Variants in CPNE4 observed in about 807,000 individuals in gnomAD.
CPNE4 encodes the protein copine-4.
CPNE4 carries 25 observed loss-of-function variants against 67.9 expected under a neutral mutation model. That is an observed-to-expected ratio of 0.37 (90% CI 0.27 to 0.51). CPNE4 has a LOEUF of 0.51. CPNE4 is among the 20% of genes least tolerant of loss of function. CPNE4 has a pLI of 0.93. For synonymous variants in CPNE4, 242 were observed against 244.9 expected (o/e 0.99, Z 0.11); for missense variants, 464 against 690.8 (o/e 0.67, Z 3.68).
At chr3:131,920,434 G>T (rs112460430) in intron 1 of CPNE4, among the ~76,000 whole-genome samples, 2 of 151,966 alleles carry the variant, frequency 1.3e-5, no homozygotes. Flanking sequence ...TCACTTACAT[G>T]CTATAGCTAT....
intron 3 of CPNE4, among the ~76,000 whole-genome samples, chr3:131,720,596 T>A (rs771955605): frequency 2.0e-5 from 3 of 152,194 alleles, no homozygotes; most frequent in Non-Finnish European, 4.4e-5. Flanking sequence ...GAATGGTTCT[T>A]CATGGCTGAT....
At chr3:131,558,038 C>G (rs1936561220) in intron 11 of CPNE4, among the ~76,000 whole-genome samples, 1 of 151,764 alleles carries the variant, frequency 6.6e-6, no homozygotes, top group Non-Finnish European at 1.5e-5. Flanking sequence ...AATGATATTC[C>G]TTTTATACTT....
At chr3:131,895,330 T>C (rs944085269) in intron 2 of CPNE4, among the ~76,000 whole-genome samples, 9 of 151,950 alleles carry the variant, frequency 5.9e-5, no homozygotes, top group Admixed American at 2.0e-4. Context: ...TAAAATGCTG[T>C]TTTTTACAAA....
intron 2 of CPNE4, among the ~76,000 whole-genome samples, chr3:131,732,694 C>A: frequency 6.6e-6 from 1 of 152,196 alleles, no homozygotes; most frequent in South Asian, 2.1e-4. Flanking sequence ...TAACCTTGCC[C>A]ACACATCTTG....
At chr3:131,695,746 A>C (rs896865718) in intron 5 of CPNE4, among the ~76,000 whole-genome samples, 1 of 152,208 alleles carries the variant, frequency 6.6e-6, no homozygotes, top group Non-Finnish European at 1.5e-5. Flanking sequence ...GCAGTCTGTG[A>C]TGGTTTCATA....
chr3:131,652,800 A>G (rs1274266996), intron 7 of CPNE4, among the ~76,000 whole-genome samples: 1 of 152,324 alleles, frequency 6.6e-6, no homozygotes, highest in Admixed American at 6.5e-5. Flanking sequence ...GGCAACTGCC[A>G]TGTTGTCCAA....
intron 2 of CPNE4, among the ~76,000 whole-genome samples, chr3:131,782,187 T>C (rs1333659346): frequency 6.6e-6 from 1 of 152,068 alleles, no homozygotes; most frequent in Non-Finnish European, 1.5e-5. Context: ...CTTTGTAGCA[T>C]GTAAAGAGAA....
At position 131,715,289 on chromosome 3, in the gene CPNE4, ATCTGCAAAAGGATTCCTAG is replaced by A. The variant is rs1467014047; in HGVS notation, c.360+8138_360+8156del. 7.2e-5 allele frequency among the ~76,000 whole-genome samples: 11 copies of A among 152,364 alleles called. 1 individual carries two copies. Among genetic ancestry groups the A allele is most frequent in the African/African-American group, 2.6e-4 (11 of 41,596 alleles). Reference sequence around the variant, plus strand: ...AGAGGGAAGATGATCAAGCCCATTTATCTGCAAAAGGATTCCTAGTCTGCCTCTATCAGCTCTGTGTAAG... The same window carrying A: ...AGAGGGAAGATGATCAAGCCCATTTATCTGCCTCTATCAGCTCTGTGTAAG... On this transcript the variant is annotated intron_variant, in intron 3 of 15. Coordinates refer to ENST00000429747, the MANE Select transcript of CPNE4 (RefSeq NM_130808.3).
chr3:131,566,822 G>A (rs1278680734), intron 10 of CPNE4, among the ~76,000 whole-genome samples: 2 of 151,960 alleles, frequency 1.3e-5, no homozygotes, highest in Admixed American at 6.6e-5. Flanking sequence ...AAGGCCAGAT[G>A]TAAAGCCACC....
chr3:131,557,573 C>T (rs1936527875), intron 11 of CPNE4, among the ~76,000 whole-genome samples: 1 of 152,036 alleles, frequency 6.6e-6, no homozygotes, highest in African/African-American at 2.4e-5. Context: ...CTAAATTCTC[C>T]AGAAAATCAC....
At chr3:131,618,176 T>A (rs1940266888) in intron 7 of CPNE4, among the ~76,000 whole-genome samples, 1 of 152,014 alleles carries the variant, frequency 6.6e-6, no homozygotes, top group Non-Finnish European at 1.5e-5. Context: ...ACCCAAGGTG[T>A]GGGGGAGTGA....
intron 2 of CPNE4, among the ~76,000 whole-genome samples, chr3:131,746,285 A>C (rs2082487575): frequency 6.6e-6 from 1 of 152,094 alleles, no homozygotes; most frequent in Non-Finnish European, 1.5e-5. Flanking sequence ...AGAACATTAA[A>C]ATCACTCTCT....
chr3:131,951,708 G>A (rs1226748678), intron 1 of CPNE4, among the ~76,000 whole-genome samples: 8 of 149,972 alleles, frequency 5.3e-5, no homozygotes, highest in East Asian at 1.9e-4. Flanking sequence ...GACTGCAAGC[G>A]CGTGCCGCCA....
At chr3:131,582,030 A>C (rs1216085395) in intron 8 of CPNE4, among the ~76,000 whole-genome samples, 1 of 152,314 alleles carries the variant, frequency 6.6e-6, no homozygotes, top group East Asian at 1.9e-4. Flanking sequence ...AGGGCCTGGC[A>C]CATGTCAATG....
intron 15 of CPNE4, among the ~76,000 whole-genome samples, chr3:131,540,433 T>A (rs116126801): frequency 0.013 from 1,904 of 152,268 alleles, 49 homozygotes; most frequent in African/African-American, 0.043. Flanking sequence ...TTAAAGCCTG[T>A]CCAAAGAAAG....
At chr3:131,586,906 G>A (rs1938218243) in intron 8 of CPNE4, among the ~76,000 whole-genome samples, 1 of 152,108 alleles carries the variant, frequency 6.6e-6, no homozygotes, top group Non-Finnish European at 1.5e-5. Context: ...ATGTGTAAGA[G>A]TAAAATGATG....
rs545226270 is a variant in CPNE4 at position 131,747,554 on chromosome 3, T to G, written c.181-23929A>C. ...TTTGGTTTCCACTTAAAAAAAAAAT[T>G]TGAGACAGGGTCTCACTACGTTTCC... On this transcript the variant is annotated intron_variant, in intron 2 of 15. Coordinates refer to ENST00000429747, the MANE Select transcript of CPNE4 (RefSeq NM_130808.3). 1.8e-4 allele frequency among the ~76,000 whole-genome samples: 28 copies of G among 152,224 alleles called. No individual in the cohort carries two copies. In the South Asian group the frequency reaches 4.8e-3, roughly 26 times the overall value.
At chr3:131,899,153 C>T (rs2088455656) in intron 2 of CPNE4, among the ~76,000 whole-genome samples, 1 of 152,106 alleles carries the variant, frequency 6.6e-6, no homozygotes, top group South Asian at 2.1e-4. Flanking sequence ...TAACAGTGTT[C>T]AGGGACCTAG....
intron 7 of CPNE4, among the ~76,000 whole-genome samples, chr3:131,642,074 G>A (rs952447918): frequency 6.6e-6 from 1 of 152,098 alleles, no homozygotes; most frequent in African/African-American, 2.4e-5. Flanking sequence ...TCGAGTGATG[G>A]TTGATGCACC....
Sources: allele counts gnomAD v4.1 joint callset (sites outside exome capture counted in the v4.1 genomes callset), GRCh38; gene constraint gnomAD v4.1.1; transcripts MANE v1.5; gene names NCBI Gene and HGNC (gene_info 2026-07-23, HGNC 2026-07-21).